Variants in PDE3A observed in about 807,000 individuals in gnomAD.
PDE3A encodes the protein phosphodiesterase 3A, also known as cGMP-inhibited 3',5'-cyclic phosphodiesterase 3A.
A neutral mutation model predicts 98.3 loss-of-function variants in PDE3A; 43 were observed. The observed-to-expected ratio is 0.44, with a 90% confidence interval of 0.34 to 0.56. PDE3A has a LOEUF of 0.56. Among genes scored for constraint, PDE3A ranks in the 20% least tolerant of loss-of-function variants. The probability of loss-of-function intolerance (pLI) is 0.01; values close to 1 mark genes in which losing one functional copy is unlikely to be tolerated. For synonymous variants in PDE3A, 663 were observed against 567.9 expected (o/e 1.17, Z -2.38); for missense variants, 1,427 against 1,440.7 (o/e 0.99, Z 0.15).
chr12:20,659,161 A>AT (rs922226981), intron 15 of PDE3A, among the ~76,000 whole-genome samples: 3 of 151,546 alleles, frequency 2.0e-5, no homozygotes, highest in Non-Finnish European at 4.4e-5. Context: ...GAATATCATA[A>AT]TTTTTTTTTC....
chr12:20,495,611 CTTG>C (rs1379238155), intron 1 of PDE3A, among the ~76,000 whole-genome samples: 1 of 152,018 alleles, frequency 6.6e-6, no homozygotes, highest in Non-Finnish European at 1.5e-5. Context: ...AACATTCTCT[CTTG>C]TTAGACATTT....
chr12:20,587,874 T>C (rs553677530), intron 2 of PDE3A, among the ~76,000 whole-genome samples: 20 of 152,338 alleles, frequency 1.3e-4, no homozygotes, highest in Middle Eastern at 3.4e-3. Context: ...AGTCCTGACA[T>C]ACAGATAGAA....
At chr12:20,504,482 G>T (rs1281253517) in intron 1 of PDE3A, among the ~76,000 whole-genome samples, 3 of 151,940 alleles carry the variant, frequency 2.0e-5, no homozygotes, top group South Asian at 2.1e-4. Context: ...AACTTTAATG[G>T]CATTAAAAAC....
intron 1 of PDE3A, among the ~76,000 whole-genome samples, chr12:20,422,140 A>G (rs1033896796): frequency 1.3e-5 from 2 of 152,072 alleles, no homozygotes; most frequent in Non-Finnish European, 2.9e-5. Flanking sequence ...AGGTCAGGAG[A>G]TCGAGACCAT....
intron 1 of PDE3A, chr12:20,551,724 T>C: frequency 6.2e-7 from 1 of 1,613,816 alleles, no homozygotes; most frequent in South Asian, 1.1e-5. Flanking sequence ...AGTGCCGGAA[T>C]GATGCCAGCG....
chr12:20,517,268 G>A (rs1946338510), intron 1 of PDE3A, among the ~76,000 whole-genome samples: 2 of 152,116 alleles, frequency 1.3e-5, no homozygotes, highest in Non-Finnish European at 2.9e-5. Context: ...GTTGATCTAG[G>A]TACCAGGAAT....
At chr12:20,395,704 A>ATATC (rs1944004964) in intron 1 of PDE3A, among the ~76,000 whole-genome samples, 1 of 148,202 alleles carries the variant, frequency 6.7e-6, no homozygotes, top group African/African-American at 2.5e-5. Context: ...ATATATATAT[A>ATATC]TCTCTAGCAA....
rs1319950546 is a variant in PDE3A at position 20,683,194 on chromosome 12, A to C, written c.*2923A>C. On this transcript the variant is annotated 3_prime_UTR_variant, in exon 16 of 16. Transcript: ENST00000359062. ...TGTGACTTTCATACACACCCAGTAC[A>C]TCTCAAAGGATGCTAAGGGACATTT... is the stretch of plus-strand genomic sequence containing the variant. The C allele has an allele frequency of 1.3e-5, 2 of 152,210 alleles. No homozygotes were observed. Among genetic ancestry groups the C allele is most frequent in the Non-Finnish European group, 2.9e-5 (2 of 68,036 alleles). The allele number at this position is 152,210 out of a possible 1,614,324, so 9.4% of individuals were successfully genotyped here.
intron 1 of PDE3A, among the ~76,000 whole-genome samples, chr12:20,399,399 T>C (rs1037017939): frequency 1.3e-5 from 2 of 152,132 alleles, no homozygotes; most frequent in Non-Finnish European, 2.9e-5. Flanking sequence ...TTACTGCATT[T>C]TAAAAACTAG....
intron 12 of PDE3A, among the ~76,000 whole-genome samples, chr12:20,647,609 C>T (rs767599171): frequency 3.9e-5 from 6 of 151,966 alleles, no homozygotes; most frequent in Non-Finnish European, 8.8e-5. Flanking sequence ...TTCTGAGATC[C>T]TCTGTTCTTC....
intron 1 of PDE3A, among the ~76,000 whole-genome samples, chr12:20,486,266 C>A (rs1201990112): frequency 1.3e-5 from 2 of 152,034 alleles, no homozygotes; most frequent in Non-Finnish European, 2.9e-5. Flanking sequence ...GAAGGGGAAG[C>A]AATGCACCTT....
At chr12:20,668,998 G>A (rs1225054510) in intron 15 of PDE3A, among the ~76,000 whole-genome samples, 1 of 150,388 alleles carries the variant, frequency 6.6e-6, no homozygotes, top group Admixed American at 6.6e-5. Context: ...ACAGAGAAGT[G>A]CTTAAAGGAG....
At chr12:20,679,295 T>G (rs1323448546) in intron 15 of PDE3A, among the ~76,000 whole-genome samples, 3 of 152,222 alleles carry the variant, frequency 2.0e-5, no homozygotes, top group Non-Finnish European at 4.4e-5. Context: ...TTGCCCAGGC[T>G]GGAGTGCAGT....
rs370411251 is a variant in PDE3A at position 20,386,665 on chromosome 12, G to A, written c.960+16421G>A. Among the ~76,000 whole-genome samples, 92 of 151,892 alleles carry A rather than the reference G, an allele frequency of 6.1e-4. 1 individual carries two copies. The East Asian group carries it at 0.011, about 18-fold the overall frequency. The stretch of plus-strand genomic sequence containing the variant: ...TTTTTCTTGTAAATTTAAATTCCTT[G>A]TAGATTCTGGATATTAGACCTTTGT... On this transcript the variant is annotated intron_variant, in intron 1 of 15. Coordinates refer to ENST00000359062, the MANE Select transcript of PDE3A (RefSeq NM_000921.5).
chr12:20,653,379 T>G (rs533887628), intron 14 of PDE3A, among the ~76,000 whole-genome samples: 2 of 152,222 alleles, frequency 1.3e-5, no homozygotes, highest in South Asian at 4.1e-4. Flanking sequence ...TTGCATTTTT[T>G]TTTTTGAGAT....
chr12:20,601,794 C>A, intron 2 of PDE3A, among the ~76,000 whole-genome samples: 1 of 150,290 alleles, frequency 6.7e-6, no homozygotes, highest in Non-Finnish European at 1.5e-5. Flanking sequence ...TGAAAAAAAA[C>A]TAAATTCTGC....
rs529223929 is a variant in PDE3A, at chr12:20,594,474, G to A, written c.1012-18969G>A. Among the ~76,000 whole-genome samples, 227 of 151,002 alleles carry A rather than the reference G, an allele frequency of 1.5e-3. 1 individual carries two copies. Among genetic ancestry groups the A allele is most frequent in the African/African-American group, 5.2e-3 (215 of 41,200 alleles). On this transcript the variant is annotated intron_variant, in intron 2 of 15. Transcript: ENST00000359062. ...AATAAAGATTGGATAGCTTATTTTT[G>A]TATATTTTCTGCCAAGAAGAACTGG... is the stretch of plus-strand genomic sequence containing the variant.
intron 2 of PDE3A, among the ~76,000 whole-genome samples, chr12:20,606,040 T>G (rs941194018): frequency 3.9e-5 from 6 of 152,178 alleles, no homozygotes; most frequent in Non-Finnish European, 7.3e-5. Context: ...CAAAGCAAAT[T>G]TATCAAGAAT....
At position 20,435,183 on chromosome 12, in the gene PDE3A, C is replaced by T. The variant is rs139885915; in HGVS notation, c.960+64939C>T. ...TTTCTCACTCTGTCATAGGGAATCC[C>T]CACTGCATTCCTTGTTACTGTAGAG... On this transcript the variant is annotated intron_variant, in intron 1 of 15. Transcript: ENST00000359062. Among the ~76,000 whole-genome samples, 11 of 152,276 alleles carry T rather than the reference C, an allele frequency of 7.2e-5. No individual in the cohort carries two copies. In the East Asian group the frequency reaches 1.5e-3, roughly 21 times the overall value.
Sources: allele counts gnomAD v4.1 joint callset (sites outside exome capture counted in the v4.1 genomes callset), GRCh38; gene constraint gnomAD v4.1.1; transcripts MANE v1.5; gene names NCBI Gene and HGNC (gene_info 2026-07-23, HGNC 2026-07-21).